EXPH5: variants seen among roughly 807,000 people sequenced by gnomAD.
EXPH5 encodes exophilin-5.
Under a neutral mutation model 41.1 loss-of-function variants are expected in EXPH5, and 42 were observed. The observed-to-expected ratio is 1.02, with a 90% CI of 0.80 to 1.32. The LOEUF is 1.32. Among genes scored for constraint, EXPH5 ranks in the 40% most tolerant of loss-of-function variants. The pLI is 0.00. For synonymous variants in EXPH5, 798 were observed against 833.5 expected (o/e 0.96, Z 0.73); for missense variants, 2,298 against 2,314.5 (o/e 0.99, Z 0.15).
At position 108,513,248 on chromosome 11, in the gene EXPH5, G is replaced by A. The variant is rs1260922504; in HGVS notation, c.2259C>T (p.Ser753=). The A allele has an allele frequency of 3.1e-6, 5 of 1,612,638 alleles. No individual in the cohort carries two copies. In the South Asian group the frequency reaches 4.4e-5, roughly 14 times the overall value. Residue 753 remains serine, a synonymous_variant, in exon 6 of 6, where the codon AGC becomes AGT. Coordinates refer to ENST00000265843, the MANE Select transcript of EXPH5 (RefSeq NM_015065.3). ...TAGATGCATTAAAACCAAACCCGTTGCTCTTGGCTGAGTCCTGGGATAAGG... is the reference window on the plus strand; with the variant it reads ...TAGATGCATTAAAACCAAACCCGTTACTCTTGGCTGAGTCCTGGGATAAGG... ...QNPLSQDSAK[S]NGFGFNASTI...
intron 1 of EXPH5, among the ~76,000 whole-genome samples, chr11:108,553,689 A>G (rs187760923): frequency 6.6e-6 from 1 of 152,332 alleles, no homozygotes; most frequent in East Asian, 1.9e-4. Flanking sequence ...GCATAGTCCC[A>G]GACTCATGGT....
rs376510289 is a variant in EXPH5, at chr11:108,510,414, C to G, written c.5093G>C (p.Arg1698Pro). The G allele has an allele frequency of 3.1e-6, 5 of 1,613,862 alleles. No homozygotes were observed. The highest frequency in any genetic ancestry group is 1.7e-5 in the Admixed American group (1 of 59,920). ...SNQKSNSISQRHQNEFKNVSE... is the reference protein window; with the variant it reads ...SNQKSNSISQPHQNEFKNVSE... ...GACGTTTTTAAACTCATTCTGATGT[C>G]GTTGTGAAATGCTGTTAGACTTCTG... Residue 1698 changes from arginine (R) to proline (P), a missense_variant, in exon 6 of 6, where the codon CGA (arginine) becomes CCA (proline). Coordinates refer to ENST00000265843, the MANE Select transcript of EXPH5 (RefSeq NM_015065.3).
intron 1 of EXPH5, among the ~76,000 whole-genome samples, chr11:108,576,180 T>A (rs894982690): frequency 6.6e-6 from 1 of 152,140 alleles, no homozygotes; most frequent in African/African-American, 2.4e-5. Flanking sequence ...AACTCAAATG[T>A]CTATCAATGG....
intron 1 of EXPH5, among the ~76,000 whole-genome samples, chr11:108,551,260 A>G (rs751052688): frequency 2.6e-5 from 4 of 152,242 alleles, no homozygotes; most frequent in Non-Finnish European, 5.9e-5. Context: ...AACCCCACTA[A>G]GAAACAATGC....
chr11:108,536,030 G>A (rs543503019), intron 3 of EXPH5, among the ~76,000 whole-genome samples: 8 of 152,154 alleles, frequency 5.3e-5, no homozygotes, highest in Admixed American at 3.9e-4. Context: ...AACAAGATCC[G>A]TGCAAACATG....
chr11:108,569,181 T>A (rs1463058789), intron 1 of EXPH5, among the ~76,000 whole-genome samples: 3 of 152,120 alleles, frequency 2.0e-5, no homozygotes, highest in African/African-American at 7.2e-5. Flanking sequence ...TCACCTTTAT[T>A]CACCTGTTAC....
chr11:108,564,007 C>T (rs75738327), intron 1 of EXPH5, among the ~76,000 whole-genome samples: 1,798 of 152,192 alleles, frequency 0.012, 13 homozygotes, highest in Non-Finnish European at 0.019. Context: ...CGGCTGCACA[C>T]GGTGGCTCAT....
In EXPH5 at chr11:108,512,919, T is replaced by A. The variant is rs1565776596; in HGVS notation, c.2588A>T (p.Lys863Ile). The change falls in exon 6 of 6, where the codon AAA becomes ATA. Residue 863 changes from lysine (K) to isoleucine (I), a missense_variant. Lys to Ile is a moderately radical substitution (Grantham distance 102). Coordinates refer to ENST00000265843, the MANE Select transcript of EXPH5 (RefSeq NM_015065.3). ...CTTGTGGCCAGGAGTTAACTTGCAT[T>A]TTGAGTATTGTGCATTTTGAGTATC... ...LTDTQNAQYS[K>I]CKLTPGHKTS... is the part of the protein sequence containing the mutation. 6.2e-7 allele frequency: 1 copy of A among 1,613,474 alleles called. No individual in the cohort carries two copies. The highest frequency in any genetic ancestry group is 1.1e-5 in the South Asian group (1 of 90,910).
In EXPH5 at chr11:108,514,477, A is replaced by C; in HGVS notation, c.1030T>G (p.Phe344Val). 1 of 1,613,142 alleles carries C rather than the reference A, an allele frequency of 6.2e-7. No individual in the cohort carries two copies. Among genetic ancestry groups the C allele is most frequent in the Non-Finnish European group, 8.5e-7 (1 of 1,179,634 alleles). ...TGHFTARSLH[F>V]PATTQSKSGF... ...CTCTTGCTCTGAGTTGTGGCTGGAAAATGTAAGCTTCTTGCTGTGAAATGC... is the reference window on the plus strand; with the variant it reads ...CTCTTGCTCTGAGTTGTGGCTGGAACATGTAAGCTTCTTGCTGTGAAATGC... The change falls in exon 6 of 6, where the codon TTT (phenylalanine) becomes GTT (valine). Residue 344 changes from phenylalanine (F) to valine (V), a missense_variant. By Grantham distance (50) the Phe-to-Val change is conservative. Coordinates refer to ENST00000265843, the MANE Select transcript of EXPH5 (RefSeq NM_015065.3).
chr11:108,584,812 A>G (rs1476171602), intron 1 of EXPH5, among the ~76,000 whole-genome samples: 1 of 152,242 alleles, frequency 6.6e-6, no homozygotes, highest in Non-Finnish European at 1.5e-5. Context: ...AAAAGAAATC[A>G]TAGGAGAAAA....
chr11:108,523,663 A>G (rs1487878503), intron 4 of EXPH5, among the ~76,000 whole-genome samples: 2 of 152,198 alleles, frequency 1.3e-5, no homozygotes, highest in Non-Finnish European at 2.9e-5. Flanking sequence ...CTTGAGCTCC[A>G]GAGTTCAAGA....
At chr11:108,573,994 C>T (rs1307198484) in intron 1 of EXPH5, among the ~76,000 whole-genome samples, 1 of 152,038 alleles carries the variant, frequency 6.6e-6, no homozygotes, top group South Asian at 2.1e-4. Context: ...CTCCGCCTCC[C>T]GGGTTCACAC....
At chr11:108,590,218 A>AT (rs926569829) in intron 1 of EXPH5, among the ~76,000 whole-genome samples, 3 of 151,466 alleles carry the variant, frequency 2.0e-5, no homozygotes, top group Non-Finnish European at 3.0e-5. Flanking sequence ...CCTCACCAAC[A>AT]TTTTTTTTTC....
intron 1 of EXPH5, among the ~76,000 whole-genome samples, chr11:108,550,870 G>A (rs2093961094): frequency 6.6e-6 from 1 of 152,014 alleles, no homozygotes; most frequent in East Asian, 1.9e-4. Context: ...TACAGATGAG[G>A]TTATCTTGAA....
chr11:108,511,222 C>G lies in EXPH5; in HGVS notation c.4285G>C (p.Ala1429Pro), dbSNP rs776086890. ...SSNSGPSSLP[A>P]LSEVNIGNSQ... ...TTTCCAATATTAACTTCTGAAAGAG[C>G]TGGAAGACTAGAGGGACCACTGTTA... is the stretch of plus-strand genomic sequence containing the variant. The change falls in exon 6 of 6, where the codon GCT becomes CCT. Residue 1429 changes from alanine to proline, a missense_variant. Coordinates refer to ENST00000265843, the MANE Select transcript of EXPH5 (RefSeq NM_015065.3). 4.3e-6 allele frequency: 7 copies of G among 1,613,256 alleles called. No homozygotes were observed.
chr11:108,606,872 C>T, the EXPH5 span, among the ~76,000 whole-genome samples: 1 of 109,414 alleles, frequency 9.1e-6, no homozygotes, highest in Non-Finnish European at 1.9e-5. Flanking sequence ...ATACCACTTA[C>T]AGATTTTTTT....
At chr11:108,517,746 G>T (rs1015509175) in intron 5 of EXPH5, among the ~76,000 whole-genome samples, 9 of 152,076 alleles carry the variant, frequency 5.9e-5, no homozygotes, top group Non-Finnish European at 1.0e-4. Context: ...ATTTCCTAAA[G>T]ATGTATTTCC....
In EXPH5 at chr11:108,514,124, GA is replaced by G. The variant is rs2093705186; in HGVS notation, c.1382del (p.Phe461SerfsTer49). The G allele has an allele frequency of 1.2e-6, 2 of 1,613,730 alleles. No individual in the cohort carries two copies. The highest frequency in any genetic ancestry group is 1.1e-5 in the South Asian group (1 of 90,976). ...CGCTTCGTCCAAAGGTATTGCTGAA[GA>G]AAGATCTGGTAAATGTGTTGCTTTG... ...YHQSNTFTRSFFSNTFGRSGE... is the reference protein window; with the variant it reads ...YHQSNTFTRSXFSNTFGRSGE... On this transcript the variant is annotated frameshift_variant, in exon 6 of 6. Coordinates refer to ENST00000265843, the MANE Select transcript of EXPH5 (RefSeq NM_015065.3). LOFTEE classifies it low-confidence loss of function (END_TRUNC).
intron 4 of EXPH5, among the ~76,000 whole-genome samples, chr11:108,520,595 G>C (rs11212695): frequency 0.16 from 23,814 of 151,880 alleles, 1,962 homozygotes; most frequent in South Asian, 0.24. Flanking sequence ...TTGAGGCGGA[G>C]TCTCCCTCTG....
Sources: allele counts gnomAD v4.1 joint callset (sites outside exome capture counted in the v4.1 genomes callset), GRCh38; gene constraint gnomAD v4.1.1; transcripts MANE v1.5; gene names NCBI Gene and HGNC (gene_info 2026-07-23, HGNC 2026-07-21).